TAF6L: variants seen among roughly 807,000 people sequenced by gnomAD.
The protein encoded by TAF6L is TAF6-like RNA polymerase II p300/CBP-associated factor-associated factor 65 kDa subunit 6L.
Under a neutral mutation model 57.3 loss-of-function variants are expected in TAF6L, and 34 were observed. The ratio of observed to expected loss-of-function variants is 0.59; its 90% CI spans 0.45 to 0.79. The LOEUF is 0.79. Among genes scored for constraint, TAF6L ranks in the 30% least tolerant of loss-of-function variants. The pLI, the probability that TAF6L is intolerant of heterozygous loss-of-function variation, is 0.00. For missense variants in TAF6L, 782 were observed against 853.2 expected, an observed-to-expected ratio of 0.92 and a Z score of 1.04; for synonymous variants, 417 against 376.3, an observed-to-expected ratio of 1.11 and a Z score of -1.25.
rs752831675 is a variant in TAF6L, at chr11:62,786,905, T to C, written c.1478T>C (p.Ile493Thr). ...RKMPQLTASA[I>T]VSPHGDESPR... Reference sequence around the variant, plus strand: ...ATGCCGCAGCTGACGGCAAGCGCCATAGTCAGCCCGCACGGCGACGAGAGC... The same window carrying C: ...ATGCCGCAGCTGACGGCAAGCGCCACAGTCAGCCCGCACGGCGACGAGAGC... Residue 493 changes from isoleucine to threonine, a missense_variant, in exon 11 of 11, where the codon ATA becomes ACA. Physicochemically the swap from Ile to Thr is moderately conservative, Grantham distance 89. Transcript: ENST00000294168. 22 of 1,521,294 alleles carry C rather than the reference T, an allele frequency of 1.4e-5. No homozygotes were observed. In the African/African-American group the frequency reaches 2.3e-4, roughly 16 times the overall value. The allele number at this position is 1,521,294 out of a possible 1,614,324, so 94.2% of individuals were successfully genotyped here.
In TAF6L at chr11:62,786,840, C is replaced by T. The variant is rs1050954328; in HGVS notation, c.1413C>T (p.Asp471=). The part of the protein sequence containing the change: ...PAPTAPRPPG[D]KKEPAAAPDS... Reference sequence around the variant, plus strand: ...CCACGGCTCCGCGGCCGCCCGGGGACAAGAAGGAGCCGGCGGCAGCCCCGG... The same window carrying T: ...CCACGGCTCCGCGGCCGCCCGGGGATAAGAAGGAGCCGGCGGCAGCCCCGG... Residue 471 remains aspartate (D), a synonymous_variant, in exon 11 of 11, where the codon GAC becomes GAT. Coordinates refer to ENST00000294168, the MANE Select transcript of TAF6L (RefSeq NM_006473.4). 5 of 1,600,064 alleles carry T rather than the reference C, an allele frequency of 3.1e-6. No individual in the cohort carries two copies. The highest frequency in any genetic ancestry group is 1.3e-5 in the African/African-American group (1 of 74,696).
intron 1 of TAF6L, among the ~76,000 whole-genome samples, chr11:62,774,240 C>A (rs1264194806): frequency 6.6e-6 from 1 of 152,042 alleles, no homozygotes; most frequent in Non-Finnish European, 1.5e-5. Context: ...CCAAGCCCAG[C>A]TAATTTTTTG....
chr11:62,776,477 G>A lies in TAF6L; in HGVS notation c.234+7G>A. 2 of 1,613,246 alleles carry A rather than the reference G, an allele frequency of 1.2e-6. No individual in the cohort carries two copies. The highest frequency in any genetic ancestry group is 1.7e-6 in the Non-Finnish European group (2 of 1,179,370). ...CAGATGGAGCAGCGTGGAGGTGAGT[G>A]GGGTGCAGGCTACAGAGGGCTCAGG... On this transcript the variant is annotated splice_region_variant and intron_variant, in intron 3 of 10. Transcript: ENST00000294168.
In TAF6L at chr11:62,786,704, C is replaced by T. The variant is rs766224880; in HGVS notation, c.1277C>T (p.Ala426Val). The T allele has an allele frequency of 1.2e-5, 19 of 1,612,318 alleles. No homozygotes were observed. Among genetic ancestry groups the T allele is most frequent in the Non-Finnish European group, 1.4e-5 (17 of 1,179,528 alleles). The change falls in exon 11 of 11, where the codon GCG becomes GTG. Residue 426 changes from alanine to valine, a missense_variant. Ala to Val is a moderately conservative substitution (Grantham distance 64, BLOSUM62 0). This residue lies in a region of TAF6L where 483 missense variants were observed against 445.1 expected (regional missense o/e 1.09). Coordinates refer to ENST00000294168, the MANE Select transcript of TAF6L (RefSeq NM_006473.4). ...GGCCTCCCGCTGCCGCCAGGGGGCG[C>T]GGGGCCGGAGGACCCTTCTCTTTCG... is the stretch of plus-strand genomic sequence containing the variant. Reference protein sequence around the residue: ...GSGLPLPPGGAGPEDPSLSVT... With the variant: ...GSGLPLPPGGVGPEDPSLSVT...
intron 3 of TAF6L, among the ~76,000 whole-genome samples, chr11:62,777,240 T>A (rs2084194390): frequency 6.6e-6 from 1 of 151,558 alleles, no homozygotes; most frequent in South Asian, 2.1e-4. Context: ...GGCAGGAGAA[T>A]CGCTTGAAAC....
At chr11:62,780,832 G>A (rs1188270578) in intron 6 of TAF6L, among the ~76,000 whole-genome samples, 1 of 151,056 alleles carries the variant, frequency 6.6e-6, no homozygotes. Flanking sequence ...AGCTACTTGC[G>A]AGGCTGATGC....
At chr11:62,775,993 C>T in intron 2 of TAF6L, 63 bp downstream of exon 2, 1 of 1,535,120 alleles carries the variant, frequency 6.5e-7, no homozygotes, top group South Asian at 1.3e-5. Flanking sequence ...TACTAACCTC[C>T]ACCCTCGCTG....
Position 62,786,865 on chromosome 11 carries a change from G to T in TAF6L, c.1438G>T (p.Asp480Tyr). The T allele has an allele frequency of 1.3e-6, 2 of 1,589,222 alleles. No individual in the cohort carries two copies. Among genetic ancestry groups the T allele is most frequent in the Non-Finnish European group, 1.7e-6 (2 of 1,175,196 alleles). Residue 480 changes from aspartate (D) to tyrosine (Y), a missense_variant, in exon 11 of 11, where the codon GAC becomes TAC. Asp to Tyr is a radical substitution (Grantham distance 160). This residue lies in a region of TAF6L where 483 missense variants were observed against 445.1 expected (regional missense o/e 1.09). Coordinates refer to ENST00000294168, the MANE Select transcript of TAF6L (RefSeq NM_006473.4). ...GDKKEPAAAP[D>Y]SVRKMPQLTA... Reference sequence around the variant, plus strand: ...CAAGAAGGAGCCGGCGGCAGCCCCGGACTCGGTGCGGAAGATGCCGCAGCT... The same window carrying T: ...CAAGAAGGAGCCGGCGGCAGCCCCGTACTCGGTGCGGAAGATGCCGCAGCT...
intron 9 of TAF6L, among the ~76,000 whole-genome samples, chr11:62,785,163 CTT>C (rs940559304): frequency 6.8e-6 from 1 of 147,868 alleles, no homozygotes; most frequent in Non-Finnish European, 1.5e-5. Flanking sequence ...TGTCTGTAGA[CTT>C]TTGTAAATTC....
At chr11:62,778,230 C>T (rs1270026145) in intron 4 of TAF6L, 55 bp from the exon 5 acceptor site, 17 of 1,613,138 alleles carry the variant, frequency 1.1e-5, no homozygotes, top group Admixed American at 1.7e-5. Flanking sequence ...GAGGGGTAGG[C>T]GGTACTCTAA....
intron 9 of TAF6L, among the ~76,000 whole-genome samples, chr11:62,785,556 ACGGAGTCTC>A (rs1056455997): frequency 7.0e-6 from 1 of 142,794 alleles, no homozygotes; most frequent in African/African-American, 2.6e-5. Flanking sequence ...TTTTTTTGAG[ACGGAGTCTC>A]ACTTTGCTTC....
At chr11:62,772,859 TTTTG>T (rs1436175200) in intron 1 of TAF6L, among the ~76,000 whole-genome samples, 3 of 151,854 alleles carry the variant, frequency 2.0e-5, no homozygotes, top group Non-Finnish European at 4.4e-5. Flanking sequence ...GATCTTTTTT[TTTTG>T]TTTGTTTTTG....
chr11:62,787,055 C>T lies in TAF6L; in HGVS notation c.1628C>T (p.Thr543Ile). The T allele has an allele frequency of 6.6e-7, 1 of 1,524,336 alleles. No individual in the cohort carries two copies. The highest frequency in any genetic ancestry group is 8.7e-7 in the Non-Finnish European group (1 of 1,142,968). The allele number at this position is 1,524,336 out of a possible 1,614,324, so 94.4% of individuals were successfully genotyped here. A position where few individuals can be genotyped will look rare whatever the true frequency, so the allele number is the denominator to read the frequency against. ...APRQQGPGTGTRDVFQKSRFA... is the reference protein window; with the variant it reads ...APRQQGPGTGIRDVFQKSRFA... ...CGGCAGCAGGGCCCCGGGACCGGCA[C>T]CCGCGACGTTTTCCAGAAGAGCCGT... The change falls in exon 11 of 11, where the codon ACC becomes ATC. Residue 543 changes from threonine to isoleucine, a missense_variant. Physicochemically the swap from Thr to Ile is moderately conservative, Grantham distance 89 (BLOSUM62 -1). Coordinates refer to ENST00000294168, the MANE Select transcript of TAF6L (RefSeq NM_006473.4).
chr11:62,771,799 T>C, intron 1 of TAF6L: 1 of 249,862 alleles, frequency 4.0e-6, no homozygotes, highest in Non-Finnish European at 8.1e-6. Flanking sequence ...GGTCACAGTC[T>C]AGATTTCGTG....
rs1227630138 is a variant in TAF6L, at chr11:62,778,148, A to G, written c.385+20A>G. ...TCAGAGGTGGCTGCCGGGGTCCTGC[A>G]TGGGTTGGGGATGGGAGTTGGGCCG... On this transcript the variant is annotated intron_variant, in intron 4 of 10. Transcript: ENST00000294168. 8 of 1,613,914 alleles carry G rather than the reference A, an allele frequency of 5.0e-6. No individual in the cohort carries two copies. In the Admixed American group the frequency reaches 1.2e-4, roughly 24 times the overall value.
chr11:62,783,180 G>A (rs958015636), intron 9 of TAF6L, among the ~76,000 whole-genome samples: 15 of 152,098 alleles, frequency 9.9e-5, no homozygotes, highest in East Asian at 9.6e-4. Flanking sequence ...ATGATTATAC[G>A]CTTTAAAAAT....
intron 3 of TAF6L, among the ~76,000 whole-genome samples, chr11:62,777,755 G>A (rs2084197568): frequency 6.6e-6 from 1 of 152,168 alleles, no homozygotes; most frequent in South Asian, 2.1e-4. Context: ...TTCCAGTTAT[G>A]GGAGGAGCGA....
chr11:62,782,389 G>A, intron 8 of TAF6L, 56 bp downstream of exon 8: 1 of 1,569,086 alleles, frequency 6.4e-7, no homozygotes, highest in Admixed American at 1.8e-5. Context: ...AGTGGGTTGG[G>A]GTAAGGAAAT....
At chr11:62,773,118 G>A (rs1256625171) in intron 1 of TAF6L, among the ~76,000 whole-genome samples, 5 of 151,400 alleles carry the variant, frequency 3.3e-5, no homozygotes, top group African/African-American at 4.9e-5. Context: ...TGGGATTACA[G>A]GCGTGAGCCA....
Sources: allele counts gnomAD v4.1 joint callset (sites outside exome capture counted in the v4.1 genomes callset), GRCh38; gene constraint gnomAD v4.1.1; regional missense constraint gnomAD v4.1.1; transcripts MANE v1.5; gene names NCBI Gene and HGNC (gene_info 2026-07-23, HGNC 2026-07-21).